PLXDC2: variants seen among roughly 807,000 people sequenced by gnomAD.
PLXDC2 encodes plexin domain containing 2.
PLXDC2 carries 40 observed loss-of-function variants against 68.9 expected under a neutral mutation model. The ratio of observed to expected loss-of-function variants is 0.58; its 90% CI spans 0.45 to 0.76. PLXDC2 has a LOEUF of 0.76. Ranked by LOEUF, PLXDC2 falls within the 30% of genes least tolerant of loss-of-function variation. The pLI is 0.00. For missense variants in PLXDC2, 644 were observed against 661.9 expected (o/e 0.97, Z 0.30); for synonymous variants, 243 against 234.2 (o/e 1.04, Z -0.34).
At position 20,283,056 on chromosome 10, in the gene PLXDC2, C is replaced by T. The variant is rs747860137; in HGVS notation, c.*3237C>T. ...CATATTGGATAACAAGAAACACTTC[C>T]GTGGTTGAAGAAAATTTTAATGGAC... On this transcript the variant is annotated 3_prime_UTR_variant, in exon 14 of 14. Coordinates refer to ENST00000377252, the MANE Select transcript of PLXDC2 (RefSeq NM_032812.9). 3.9e-5 allele frequency: 6 copies of T among 152,154 alleles called. No homozygotes were observed. Among genetic ancestry groups the T allele is most frequent in the Non-Finnish European group, 7.4e-5 (5 of 68,018 alleles). 9.4% of individuals were successfully genotyped at this position (152,154 alleles called of 1,614,324 possible).
intron 9 of PLXDC2, among the ~76,000 whole-genome samples, chr10:20,200,268 G>A (rs1244886951): frequency 1.3e-5 from 2 of 151,910 alleles, no homozygotes; most frequent in Non-Finnish European, 2.9e-5. Context: ...AAGAAATGGG[G>A]AAAATAAGTG....
In PLXDC2 at chr10:19,883,853, G is replaced by T. The variant is rs75695209; in HGVS notation, c.112+66662G>T. Among the ~76,000 whole-genome samples the T allele has an allele frequency of 1.5e-4, 20 of 135,268 alleles. No individual in the cohort carries two copies. In the East Asian group the frequency reaches 4.5e-3, roughly 30 times the overall value. 88.7% of individuals were successfully genotyped at this position (135,268 alleles called of 152,430 possible). On this transcript the variant is annotated intron_variant, in intron 1 of 13. Coordinates refer to ENST00000377252, the MANE Select transcript of PLXDC2 (RefSeq NM_032812.9). ...GCATCTCTGTTTAGATCAGTGATGT[G>T]CAAATATTACTGTCTCCAGATCCCT... is the stretch of plus-strand genomic sequence containing the variant.
chr10:20,268,072 C>T (rs879579108), intron 13 of PLXDC2, among the ~76,000 whole-genome samples: 2 of 152,108 alleles, frequency 1.3e-5, no homozygotes, highest in Non-Finnish European at 2.9e-5. Flanking sequence ...TCAGTTATAA[C>T]ATTGTATGAC....
intron 1 of PLXDC2, among the ~76,000 whole-genome samples, chr10:19,854,081 A>G (rs923924581): frequency 6.6e-6 from 1 of 152,138 alleles, no homozygotes; most frequent in Non-Finnish European, 1.5e-5. Context: ...CATTTACCGT[A>G]GTGACAGGAG....
intron 4 of PLXDC2, among the ~76,000 whole-genome samples, chr10:20,130,643 T>G (rs1833854881): frequency 6.6e-6 from 1 of 152,146 alleles, no homozygotes; most frequent in Non-Finnish European, 1.5e-5. Context: ...ATACATATTC[T>G]TTATTATTTT....
At chr10:20,127,041 C>A (rs1186738058) in intron 4 of PLXDC2, among the ~76,000 whole-genome samples, 1 of 151,322 alleles carries the variant, frequency 6.6e-6, no homozygotes, top group Non-Finnish European at 1.5e-5. Flanking sequence ...AATTAAAACC[C>A]AAAGCATCTA....
chr10:19,907,841 A>G (rs1174382492), intron 1 of PLXDC2, among the ~76,000 whole-genome samples: 1 of 152,140 alleles, frequency 6.6e-6, no homozygotes. Flanking sequence ...CTCTAACTTT[A>G]TTGCCATGAA....
Position 20,189,476 on chromosome 10 carries a change from CATAT to C in PLXDC2, c.1061+12093_1061+12096del, listed in dbSNP as rs59999548. 2.6e-3 allele frequency among the ~76,000 whole-genome samples: 199 copies of C among 75,784 alleles called. 2 individuals carry two copies. Among genetic ancestry groups the C allele is most frequent in the Middle Eastern group, 7.9e-3 (1 of 126 alleles). 49.7% of individuals were successfully genotyped at this position (75,784 alleles called of 152,430 possible). A position where few individuals can be genotyped will look rare whatever the true frequency, so the allele number is the denominator to read the frequency against. ...CACACTTTTTAAAAGAAAGGTAGGC[CATAT>C]ATATATATATATATATATATATATA... is the stretch of plus-strand genomic sequence containing the variant. On this transcript the variant is annotated intron_variant, in intron 9 of 13. Transcript: ENST00000377252.
chr10:20,051,873 T>C (rs940787858), intron 3 of PLXDC2, among the ~76,000 whole-genome samples: 6 of 152,142 alleles, frequency 3.9e-5, no homozygotes, highest in African/African-American at 4.8e-5. Context: ...ACAGGCCTTA[T>C]GGTCTCTGTC....
At chr10:19,885,093 C>G (rs1359721624) in intron 1 of PLXDC2, among the ~76,000 whole-genome samples, 1 of 152,168 alleles carries the variant, frequency 6.6e-6, no homozygotes, top group Non-Finnish European at 1.5e-5. Context: ...TTGCATTTCT[C>G]TGATGGCCAG....
intron 1 of PLXDC2, among the ~76,000 whole-genome samples, chr10:19,920,380 A>G (rs547267444): frequency 3.3e-4 from 51 of 152,326 alleles, no homozygotes; most frequent in African/African-American, 1.2e-3. Flanking sequence ...CTGTGCCTAT[A>G]AAAACCCCAG....
At chr10:20,167,023 A>G (rs1834385035) in intron 7 of PLXDC2, among the ~76,000 whole-genome samples, 2 of 152,210 alleles carry the variant, frequency 1.3e-5, no homozygotes, top group African/African-American at 2.4e-5. Context: ...AATGTCCCTC[A>G]CACAATTTGC....
intron 5 of PLXDC2, among the ~76,000 whole-genome samples, chr10:20,144,224 A>G (rs1336190714): frequency 2.0e-5 from 3 of 152,140 alleles, no homozygotes; most frequent in Non-Finnish European, 4.4e-5. Flanking sequence ...TTAAAAGACA[A>G]TTTTATGCCT....
chr10:20,087,791 C>T (rs1833219372), intron 4 of PLXDC2, among the ~76,000 whole-genome samples: 1 of 152,174 alleles, frequency 6.6e-6, no homozygotes, highest in Admixed American at 6.5e-5. Context: ...AGTAGCATTT[C>T]TGTTACGGGA....
intron 7 of PLXDC2, among the ~76,000 whole-genome samples, chr10:20,168,816 C>A (rs536534422): frequency 6.6e-6 from 1 of 151,720 alleles, no homozygotes; most frequent in East Asian, 1.9e-4. Context: ...AACAGGAAAC[C>A]CAAGGAGGAA....
chr10:19,875,692 T>C (rs1837618092), intron 1 of PLXDC2, among the ~76,000 whole-genome samples: 2 of 152,228 alleles, frequency 1.3e-5, no homozygotes, highest in South Asian at 4.1e-4. Context: ...TTCTGTTTTA[T>C]AGCAGAAATG....
chr10:19,946,184 C>G (rs1210110192), intron 1 of PLXDC2, among the ~76,000 whole-genome samples: 2 of 152,154 alleles, frequency 1.3e-5, no homozygotes, highest in Non-Finnish European at 2.9e-5. Context: ...CAATCATCTC[C>G]TCCTCTACCT....
At chr10:19,949,267 A>G (rs1833957127) in intron 1 of PLXDC2, among the ~76,000 whole-genome samples, 1 of 152,166 alleles carries the variant, frequency 6.6e-6, no homozygotes, top group Non-Finnish European at 1.5e-5. Context: ...TCTACACATC[A>G]AAATACTCAT....
At chr10:20,001,573 A>G (rs536373482) in intron 1 of PLXDC2, among the ~76,000 whole-genome samples, 12 of 151,912 alleles carry the variant, frequency 7.9e-5, no homozygotes, top group African/African-American at 2.7e-4. Context: ...CACTGTCACA[A>G]CTCCTGGTGT....
Sources: allele counts gnomAD v4.1 joint callset (sites outside exome capture counted in the v4.1 genomes callset), GRCh38; gene constraint gnomAD v4.1.1; transcripts MANE v1.5; gene names NCBI Gene and HGNC (gene_info 2026-07-23, HGNC 2026-07-21).